The following CEP350 variants were observed in gnomAD, a reference collection of about 807,000 sequenced individuals.
CEP350 encodes the protein centrosomal protein 350, also known as centrosome-associated protein 350.
In CEP350, 126 loss-of-function variants were observed where a neutral mutation model predicts 331.8. The observed-to-expected ratio is 0.38, with a 90% CI of 0.33 to 0.44. The LOEUF is 0.44. Ranked by LOEUF, CEP350 falls within the 20% of genes least tolerant of loss-of-function variation. CEP350 has a pLI of 1.00. For synonymous variants in CEP350, 1,200 were observed against 1,259.5 expected (o/e 0.95, Z 1.00); for missense variants, 3,406 against 3,634.6 (o/e 0.94, Z 1.62).
intron 36 of CEP350, among the ~76,000 whole-genome samples, chr1:180,096,546 T>A (rs541327400): frequency 6.6e-6 from 1 of 152,200 alleles, no homozygotes; most frequent in African/African-American, 2.4e-5. Flanking sequence ...TAGAGATAGG[T>A]ATAATGTTCT....
At chr1:180,069,783 A>T (rs76628397) in intron 27 of CEP350, among the ~76,000 whole-genome samples, 5,392 of 152,290 alleles carry the variant, frequency 0.035, 182 homozygotes, top group African/African-American at 0.072. Flanking sequence ...CCATTTTAAA[A>T]TGTAAAGCAC....
chr1:180,061,187 A>ATTGT (rs56939398), intron 25 of CEP350, among the ~76,000 whole-genome samples: 2 of 21,586 alleles, frequency 9.3e-5, no homozygotes, highest in South Asian at 1.5e-3. Context: ...ATAAGAAAAC[A>ATTGT]TTGATTGATT....
intron 27 of CEP350, among the ~76,000 whole-genome samples, chr1:180,072,412 T>C (rs1279043116): frequency 6.6e-6 from 1 of 152,212 alleles, no homozygotes; most frequent in Non-Finnish European, 1.5e-5. Flanking sequence ...TTAGCAGTTA[T>C]ACACTTAAGA....
At chr1:179,995,655 A>T (rs555731345) in intron 5 of CEP350, among the ~76,000 whole-genome samples, 12 of 152,306 alleles carry the variant, frequency 7.9e-5, no homozygotes, top group Admixed American at 7.8e-4. Context: ...AATGACATGT[A>T]AAATAAAAAT....
intron 27 of CEP350, among the ~76,000 whole-genome samples, chr1:180,069,348 G>A (rs557361678): frequency 9.9e-5 from 15 of 152,248 alleles, no homozygotes; most frequent in African/African-American, 3.6e-4. Flanking sequence ...TCTGATCAAT[G>A]TCGAAATCTT....
intron 1 of CEP350, among the ~76,000 whole-genome samples, chr1:179,976,712 AATTTCAAATATATTTTTCATTAAT>A (rs1227813964): frequency 2.0e-5 from 3 of 152,122 alleles, no homozygotes; most frequent in Non-Finnish European, 4.4e-5. Flanking sequence ...ATAGGAAATG[AATTTCAAATATATTTTTCATTAAT>A]AGCTTTTTTC....
chr1:179,993,613 G>A (rs772108346), intron 5 of CEP350, among the ~76,000 whole-genome samples: 13 of 151,826 alleles, frequency 8.6e-5, no homozygotes, highest in Non-Finnish European at 1.5e-4. Context: ...TGGTAGAGGC[G>A]GGGTTTCACC....
At position 180,020,252 on chromosome 1, in the gene CEP350, A is replaced by G; in HGVS notation, c.2478A>G (p.Glu826=). ...SQYKSKLDRI[E]ALKATAASLS... is the part of the protein sequence containing the mutation. ...ATAAGAGTAAACTGGATCGTATTGA[A>G]GCCTTGAAAGCAACAGCTGCTTCTT... The change falls in exon 12 of 38, where the codon GAA becomes GAG. Residue 826 remains glutamate, a synonymous_variant. Coordinates refer to ENST00000367607, the MANE Select transcript of CEP350 (RefSeq NM_014810.5). 6.2e-7 allele frequency: 1 copy of G among 1,614,040 alleles called. No homozygotes were observed. The highest frequency in any genetic ancestry group is 8.5e-7 in the Non-Finnish European group (1 of 1,179,908).
At chr1:180,043,718 C>G (rs1656917184) in intron 20 of CEP350, among the ~76,000 whole-genome samples, 1 of 151,582 alleles carries the variant, frequency 6.6e-6, no homozygotes, top group South Asian at 2.1e-4. Context: ...ATTCTAGGAG[C>G]AATGAAGTCA....
At chr1:180,039,354 T>C (rs1656600731) in intron 17 of CEP350, among the ~76,000 whole-genome samples, 1 of 152,054 alleles carries the variant, frequency 6.6e-6, no homozygotes, top group Non-Finnish European at 1.5e-5. Flanking sequence ...TACCCTAAGA[T>C]ACTAAGATAT....
chr1:180,103,033 A>G (rs1464942885), intron 37 of CEP350, among the ~76,000 whole-genome samples: 4 of 152,250 alleles, frequency 2.6e-5, no homozygotes, highest in African/African-American at 9.6e-5. Flanking sequence ...GTTCCGAAAA[A>G]GGAAAAGCGG....
At chr1:179,995,199 A>G (rs529142429) in intron 5 of CEP350, among the ~76,000 whole-genome samples, 1 of 152,250 alleles carries the variant, frequency 6.6e-6, no homozygotes, top group African/African-American at 2.4e-5. Flanking sequence ...GCCTGTTGTT[A>G]GGTCTGGTTT....
intron 6 of CEP350, among the ~76,000 whole-genome samples, chr1:180,001,801 C>A (rs1445264947): frequency 1.3e-5 from 2 of 152,168 alleles, no homozygotes; most frequent in Non-Finnish European, 2.9e-5. Context: ...TATTGTCTCT[C>A]CCTAAATCTG....
chr1:179,962,963 C>T (rs921289793), intron 1 of CEP350, among the ~76,000 whole-genome samples: 5 of 152,160 alleles, frequency 3.3e-5, no homozygotes. Flanking sequence ...TTCTCTGCAT[C>T]CTTGTCATCT....
intron 37 of CEP350, among the ~76,000 whole-genome samples, chr1:180,104,054 A>G (rs1223049271): frequency 7.0e-6 from 1 of 141,950 alleles, no homozygotes; most frequent in Non-Finnish European, 1.5e-5. Context: ...ATACAAATAT[A>G]TATTTTAAAT....
chr1:180,013,427 C>T (rs559057931), intron 9 of CEP350, among the ~76,000 whole-genome samples: 9 of 152,226 alleles, frequency 5.9e-5, no homozygotes, highest in Admixed American at 5.9e-4. Context: ...AAGGCATTGC[C>T]ATTTCCTTGC....
intron 31 of CEP350, 21 bp downstream of exon 31, chr1:180,084,199 G>A (rs2149096505): frequency 3.8e-6 from 6 of 1,562,760 alleles, no homozygotes; most frequent in Non-Finnish European, 5.2e-6. Context: ...GGAAGAAGGG[G>A]GTTTAGTATC....
chr1:180,090,925 T>G, intron 33 of CEP350, 129 bp downstream of exon 33: 1 of 740,450 alleles, frequency 1.4e-6, no homozygotes, highest in Non-Finnish European at 1.9e-6. Context: ...ATTTAACATT[T>G]TAAAGTTACT....
chr1:180,085,850 T>C (rs942811689), intron 31 of CEP350: 2 of 152,246 alleles, frequency 1.3e-5, no homozygotes, highest in Non-Finnish European at 2.9e-5. Flanking sequence ...AATTTAATCA[T>C]CAAATATTCA....
Sources: allele counts gnomAD v4.1 joint callset (sites outside exome capture counted in the v4.1 genomes callset), GRCh38; gene constraint gnomAD v4.1.1; transcripts MANE v1.5; gene names NCBI Gene and HGNC (gene_info 2026-07-23, HGNC 2026-07-21).